CMPK2: variants seen among roughly 807,000 people sequenced by gnomAD.
CMPK2 encodes UMP-CMP kinase 2, mitochondrial.
Under a neutral mutation model 33.4 loss-of-function variants are expected in CMPK2, and 32 were observed. The observed-to-expected ratio is 0.96, with a 90% CI of 0.72 to 1.29. CMPK2 has a LOEUF of 1.29. Among genes scored for constraint, CMPK2 ranks in the 50% most tolerant of loss-of-function variants. The pLI, the probability that CMPK2 is intolerant of heterozygous loss-of-function variation, is 0.00. For missense variants in CMPK2, 672 were observed against 616.0 expected (o/e 1.09, Z -0.96); for synonymous variants, 299 against 275.3 (o/e 1.09, Z -0.85).
chr2:6,863,394 G>A (rs139562745), intron 2 of CMPK2, 70 bp downstream of exon 2: 30 of 1,360,054 alleles, frequency 2.2e-5, no homozygotes, highest in Non-Finnish European at 3.1e-5. Context: ...GGTTTTGCAG[G>A]AAGTATTTCT....
chr2:6,853,984 G>A (rs1358044933), intron 3 of CMPK2, among the ~76,000 whole-genome samples: 1 of 152,006 alleles, frequency 6.6e-6, no homozygotes, highest in African/African-American at 2.4e-5. Context: ...CTCCAAAAGT[G>A]TGCTCTGAGA....
At chr2:6,861,407 T>C in intron 2 of CMPK2, 22 bp from the exon 3 acceptor site, 1 of 1,592,672 alleles carries the variant, frequency 6.3e-7, no homozygotes, top group Non-Finnish European at 8.6e-7. Flanking sequence ...ACACAAAATA[T>C]ATACATCTTA....
chr2:6,865,539 C>T lies in CMPK2; in HGVS notation c.158G>A (p.Gly53Asp). The T allele has an allele frequency of 7.7e-7, 1 of 1,302,328 alleles. No individual in the cohort carries two copies. The highest frequency in any genetic ancestry group is 9.7e-7 in the Non-Finnish European group (1 of 1,030,770). The allele number at this position is 1,302,328 out of a possible 1,614,324, so 80.7% of individuals were successfully genotyped here. ...GCGGGGGTCGGGGGCGTCTGCGTCG[C>T]CGGGGGCGTCGGCGCCTAGGGCGAA... ...AHFALGADAP[G>D]DADAPDPRLA... is the part of the protein sequence containing the mutation. The change falls in exon 1 of 5, where the codon GGC becomes GAC. Residue 53 changes from glycine to aspartate, a missense_variant. By Grantham distance (94) the Gly-to-Asp change is moderately conservative. Transcript: ENST00000256722.
intron 3 of CMPK2, among the ~76,000 whole-genome samples, chr2:6,860,672 G>A (rs982689739): frequency 6.6e-6 from 1 of 152,138 alleles, no homozygotes; most frequent in Non-Finnish European, 1.5e-5. Flanking sequence ...CGAATCTCGG[G>A]TATGTCTTTA....
intron 4 of CMPK2, 44 bp from the exon 5 acceptor site, chr2:6,850,017 C>T (rs956137913): frequency 7.0e-6 from 10 of 1,421,028 alleles, no homozygotes; most frequent in African/African-American, 1.4e-5. Flanking sequence ...CTTTTTCACA[C>T]AGCTATTTGC....
Position 6,865,397 on chromosome 2 carries a change from G to A in CMPK2, c.300C>T (p.His100=), listed in dbSNP as rs147375413. The change falls in exon 1 of 5, where the codon CAC becomes CAT. Residue 100 remains histidine, a synonymous_variant. Transcript: ENST00000256722. ...GCTGGAAGGGGCCGCGGCGCAGCTG[G>A]TGCAGCAGGCGCTGGTGCAGCCGCG... The part of the protein sequence containing the change: ...RAARLHQRLL[H]QLRRGPFQRC... 2 of 1,354,162 alleles carry A rather than the reference G, an allele frequency of 1.5e-6. No homozygotes were observed. Among genetic ancestry groups the A allele is most frequent in the Non-Finnish European group, 1.9e-6 (2 of 1,062,020 alleles). The allele number at this position is 1,354,162 out of a possible 1,614,324, so 83.9% of individuals were successfully genotyped here. A position where few individuals can be genotyped will look rare whatever the true frequency, so the allele number is the denominator to read the frequency against.
At chr2:6,860,397 C>A (rs1027497530) in intron 3 of CMPK2, among the ~76,000 whole-genome samples, 2 of 152,170 alleles carry the variant, frequency 1.3e-5, no homozygotes, top group Non-Finnish European at 1.5e-5. Flanking sequence ...CCACCCAAAT[C>A]TCATCTTGAA....
At chr2:6,862,457 T>G (rs1199863369) in intron 2 of CMPK2, among the ~76,000 whole-genome samples, 2 of 152,194 alleles carry the variant, frequency 1.3e-5, no homozygotes, top group African/African-American at 4.8e-5. Flanking sequence ...CTTGTAACAT[T>G]TGTATGTGTG....
chr2:6,865,212 C>T lies in CMPK2; in HGVS notation c.485G>A (p.Gly162Asp). Residue 162 changes from glycine to aspartate, a missense_variant, in exon 1 of 5, where the codon GGC becomes GAC. Gly to Asp is a moderately conservative substitution (Grantham distance 94, BLOSUM62 -1). Transcript: ENST00000256722. ...ACQEAPRPHL[G>D]EFEADPRGQL... Reference sequence around the variant, plus strand: ...GCCGCGCGGGTCGGCCTCGAACTCGCCCAAGTGCGGGCGTGGTGCCTCCTG... The same window carrying T: ...GCCGCGCGGGTCGGCCTCGAACTCGTCCAAGTGCGGGCGTGGTGCCTCCTG... 2 of 1,535,372 alleles carry T rather than the reference C, an allele frequency of 1.3e-6. No individual in the cohort carries two copies. The highest frequency in any genetic ancestry group is 8.7e-7 in the Non-Finnish European group (1 of 1,146,106).
chr2:6,858,634 C>T (rs1288992199), intron 3 of CMPK2, among the ~76,000 whole-genome samples: 1 of 152,218 alleles, frequency 6.6e-6, no homozygotes, highest in Non-Finnish European at 1.5e-5. Context: ...TTTCCCTACA[C>T]AAGCTCTCTA....
In CMPK2 at chr2:6,865,794, C is replaced by T. The variant is rs982586843; in HGVS notation, c.-98G>A. On this transcript the variant is annotated 5_prime_UTR_variant, in exon 1 of 5. Coordinates refer to ENST00000256722, the MANE Select transcript of CMPK2 (RefSeq NM_207315.4). ...AACGAAACCCGGAGGGAGCCAGGCG[C>T]CAGCGGGAAACGAAAGCGAAGCGTT... is the stretch of plus-strand genomic sequence containing the variant. 5.9e-5 allele frequency: 74 copies of T among 1,261,906 alleles called. No homozygotes were observed. The highest frequency in any genetic ancestry group is 7.0e-5 in the Non-Finnish European group (70 of 1,002,768). The allele number at this position is 1,261,906 out of a possible 1,614,324, so 78.2% of individuals were successfully genotyped here. A position where few individuals can be genotyped will look rare whatever the true frequency, so the allele number is the denominator to read the frequency against.
intron 2 of CMPK2, 74 bp from the exon 3 acceptor site, chr2:6,861,459 AC>A (rs1662881309): frequency 3.6e-6 from 4 of 1,112,474 alleles, no homozygotes; most frequent in Non-Finnish European, 5.3e-6. Flanking sequence ...AAGAGCACAG[AC>A]GTTCTCTCAA....
rs771484811 is a variant in CMPK2 at position 6,865,101 on chromosome 2, G to T, written c.596C>A (p.Pro199Gln). 2.7e-6 allele frequency: 4 copies of T among 1,503,542 alleles called. No homozygotes were observed. The highest frequency in any genetic ancestry group is 3.6e-6 in the Non-Finnish European group (4 of 1,125,046). The allele number at this position is 1,503,542 out of a possible 1,614,324, so 93.1% of individuals were successfully genotyped here. A position where few individuals can be genotyped will look rare whatever the true frequency, so the allele number is the denominator to read the frequency against. Residue 199 changes from proline (P) to glutamine (Q), a missense_variant, in exon 1 of 5, where the codon CCG (proline) becomes CAG (glutamine). Pro to Gln is a moderately conservative substitution (Grantham distance 76). Coordinates refer to ENST00000256722, the MANE Select transcript of CMPK2 (RefSeq NM_207315.4). ...CAQVVPVPEP[P>Q]LHPVVPDLPS... ...CAAGTCTGGCACCACCGGGTGCAGCGGGGGCTCCGGGACGGGCACGACCTG... is the reference window on the plus strand; with the variant it reads ...CAAGTCTGGCACCACCGGGTGCAGCTGGGGCTCCGGGACGGGCACGACCTG...
chr2:6,865,843 C>A lies in CMPK2; in HGVS notation c.-147G>T. 1 of 1,288,840 alleles carries A rather than the reference C, an allele frequency of 7.8e-7. No homozygotes were observed. Among genetic ancestry groups the A allele is most frequent in the Non-Finnish European group, 9.8e-7 (1 of 1,018,634 alleles). 79.8% of individuals were successfully genotyped at this position (1,288,840 alleles called of 1,614,324 possible). ...TTGCGGGGAAACGAAAGCCGGAGGC[C>A]CAGGCGGGGCAGGAGCCCTGGGGCT... On this transcript the variant is annotated 5_prime_UTR_variant, in exon 1 of 5. Coordinates refer to ENST00000256722, the MANE Select transcript of CMPK2 (RefSeq NM_207315.4).
intron 3 of CMPK2, among the ~76,000 whole-genome samples, chr2:6,859,008 T>G (rs1483143747): frequency 1.3e-5 from 2 of 152,222 alleles, no homozygotes; most frequent in Non-Finnish European, 2.9e-5. Context: ...AAATCCAGGC[T>G]GAGGTGGTCT....
At chr2:6,852,085 G>A (rs1453133242) in intron 3 of CMPK2, among the ~76,000 whole-genome samples, 5 of 152,162 alleles carry the variant, frequency 3.3e-5, no homozygotes, top group Non-Finnish European at 7.3e-5. Context: ...ATCCTGGAAA[G>A]GCCATGTCAG....
chr2:6,841,747 G>C (rs1257228016), intron 3 of CMPK2, among the ~76,000 whole-genome samples: 10 of 152,090 alleles, frequency 6.6e-5, no homozygotes, highest in Admixed American at 6.5e-4. Flanking sequence ...TAGCTGTTTG[G>C]TCTGCTAGCC....
chr2:6,855,797 C>A (rs1357697673), intron 3 of CMPK2, among the ~76,000 whole-genome samples: 1 of 152,180 alleles, frequency 6.6e-6, no homozygotes, highest in Non-Finnish European at 1.5e-5. Context: ...GCCCCTCCCC[C>A]ACCACACACT....
In CMPK2 at chr2:6,849,484, C is replaced by G. The variant is rs1662448673; in HGVS notation, c.*366G>C. 2.0e-6 allele frequency: 2 copies of G among 1,024,248 alleles called. No homozygotes were observed. The highest frequency in any genetic ancestry group is 3.5e-5 in the African/African-American group (2 of 57,746). 63.4% of individuals were successfully genotyped at this position (1,024,248 alleles called of 1,614,324 possible). On this transcript the variant is annotated 3_prime_UTR_variant, in exon 5 of 5. Coordinates refer to ENST00000256722, the MANE Select transcript of CMPK2 (RefSeq NM_207315.4). Reference sequence around the variant, plus strand: ...GGAGAAGCAGAGGCTCCGGGGTCTCCCTGCTGATCTGGAAGATCTTGTCTG... The same window carrying G: ...GGAGAAGCAGAGGCTCCGGGGTCTCGCTGCTGATCTGGAAGATCTTGTCTG...
Sources: gnomAD v4.1 joint callset for allele counts (sites outside exome capture counted in the v4.1 genomes callset) on GRCh38, gnomAD v4.1.1 for gene constraint, MANE v1.5 for transcripts, NCBI Gene and HGNC (gene_info 2026-07-23, HGNC 2026-07-21) for gene names.